PPM1J: variants seen among roughly 807,000 people sequenced by gnomAD.
PPM1J encodes protein phosphatase 1J.
A neutral mutation model predicts 53.3 loss-of-function variants in PPM1J; 43 were observed. The observed-to-expected ratio is 0.81, with a 90% CI of 0.63 to 1.04. The LOEUF is 1.04. PPM1J is among the 50% of genes least tolerant of loss of function. PPM1J has a pLI of 0.00. For synonymous variants in PPM1J, 267 were observed against 286.4 expected (o/e 0.93, Z 0.68); for missense variants, 635 against 685.9 (o/e 0.93, Z 0.83).
Position 112,710,158 on chromosome 1 carries a change from G to C in PPM1J, c.*5C>G, listed in dbSNP as rs368692262. ...AGGCTAGTGGGAGGGATGGTGTTCA[G>C]CCCCTCAGGAGTAACTGCCTGGCCC... On this transcript the variant is annotated 3_prime_UTR_variant, in exon 10 of 10. Coordinates refer to ENST00000309276, the MANE Select transcript of PPM1J (RefSeq NM_005167.7). 8.4e-6 allele frequency: 13 copies of C among 1,551,806 alleles called. No homozygotes were observed. In the African/African-American group the frequency reaches 1.5e-4, roughly 18 times the overall value.
chr1:112,712,255 T>C (rs1675081003), intron 4 of PPM1J, 90 bp downstream of exon 4: 2 of 1,159,626 alleles, frequency 1.7e-6, no homozygotes, highest in Admixed American at 4.1e-5. Context: ...CCAATCTTGA[T>C]TTTTAACCCC....
rs768615518 is a variant in PPM1J at position 112,712,061 on chromosome 1, CAAAG to C, written c.843-10_843-7del. On this transcript the variant is annotated splice_polypyrimidine_tract_variant and splice_region_variant and intron_variant, in intron 4 of 9. Transcript: ENST00000309276. ...CATTCCGGACAATGATGGCCCTGCC[CAAAG>C]AAAGAAAAGGAATTGGGACCTGGTT... 6.2e-6 allele frequency: 10 copies of C among 1,603,908 alleles called. No homozygotes were observed. In the East Asian group the frequency reaches 2.0e-4, roughly 32 times the overall value.
chr1:112,714,927 A>G, intron 1 of PPM1J, 49 bp downstream of exon 1: 1 of 1,340,384 alleles, frequency 7.5e-7, no homozygotes, highest in Non-Finnish European at 9.6e-7. Context: ...GGAGCTGGGG[A>G]GAGGGGTGGG....
rs1251582521 is a variant in PPM1J at position 112,710,266 on chromosome 1, G to A, written c.1415C>T (p.Thr472Ile). The A allele has an allele frequency of 1.2e-6, 2 of 1,603,338 alleles. No homozygotes were observed. The highest frequency in any genetic ancestry group is 1.4e-5 in the African/African-American group (1 of 73,914). Residue 472 changes from threonine (T) to isoleucine (I), a missense_variant, in exon 10 of 10, where the codon ACC becomes ATC. Thr to Ile is a moderately conservative substitution (Grantham distance 89, BLOSUM62 -1). Coordinates refer to ENST00000309276, the MANE Select transcript of PPM1J (RefSeq NM_005167.7). ...GAGACGCCAGCCACGGTCTCGGGGG[G>A]TACCCCGGGCCCCCAGGACCAGAGC... ...AQALVLGARGTPRDRGWRLPN... is the reference protein window; with the variant it reads ...AQALVLGARGIPRDRGWRLPN...
At position 112,710,742 on chromosome 1, in the gene PPM1J, A is replaced by AGTG; in HGVS notation, c.1218+1_1218+2insCAC. On this transcript the variant is annotated splice_donor_variant, in intron 8 of 9. Transcript: ENST00000309276. LOFTEE classifies it high-confidence loss of function. ...AGGCAAGGTGTGGTTTAAGGGGCTC[A>AGTG]CCTCAGGGAAGCAGGAGAGAAAGGG... 2 of 1,613,840 alleles carry AGTG rather than the reference A, an allele frequency of 1.2e-6. No individual in the cohort carries two copies. The highest frequency in any genetic ancestry group is 4.5e-5 in the East Asian group (2 of 44,878).
chr1:112,713,874 C>T lies in PPM1J; in HGVS notation c.327-263G>A, dbSNP rs904438863. On this transcript the variant is annotated intron_variant, in intron 1 of 9. Coordinates refer to ENST00000309276, the MANE Select transcript of PPM1J (RefSeq NM_005167.7). ...CTATGTCCCCTGCCTGCCTCACTTC[C>T]CCCATCCCTGGCAAAAAAAAAAGAA... is the stretch of plus-strand genomic sequence containing the variant. Among the ~76,000 whole-genome samples the T allele has an allele frequency of 2.0e-5, 3 of 152,002 alleles. No individual in the cohort carries two copies. The South Asian group carries it at 6.2e-4, about 32-fold the overall frequency.
intron 1 of PPM1J, 137 bp from the exon 2 acceptor site, chr1:112,713,748 G>A: frequency 1.3e-6 from 1 of 755,942 alleles, no homozygotes; most frequent in South Asian, 1.6e-5. Context: ...CCAGGCCAGA[G>A]GGAGGAGGAG....
At position 112,710,823 on chromosome 1, in the gene PPM1J, G is replaced by T; in HGVS notation, c.1139C>A (p.Thr380Asn). Reference protein sequence around the residue: ...KARVMATIGVTRGLGDHSLKV... With the variant: ...KARVMATIGVNRGLGDHSLKV... ...AAGGCTGTGGTCTCCCAAGCCTCGG[G>T]TCACCCCAATGGTGGCCATCACCCG... The change falls in exon 8 of 10, where the codon ACC (threonine) becomes AAC (asparagine). Residue 380 changes from threonine (T) to asparagine (N), a missense_variant. By Grantham distance (65) the Thr-to-Asn change is moderately conservative (BLOSUM62 0). Transcript: ENST00000309276. 6.2e-7 allele frequency: 1 copy of T among 1,613,916 alleles called. No homozygotes were observed. Among genetic ancestry groups the T allele is most frequent in the Non-Finnish European group, 8.5e-7 (1 of 1,179,858 alleles).
chr1:112,710,411 C>G (rs749137237), intron 9 of PPM1J, 49 bp downstream of exon 9: 1 of 1,611,644 alleles, frequency 6.2e-7, no homozygotes. Context: ...CCCTTTGACC[C>G]TTCTTTCACC....
intron 2 of PPM1J, 33 bp from the exon 3 acceptor site, chr1:112,713,064 T>TG (rs1675109773): frequency 7.1e-5 from 73 of 1,032,624 alleles, no homozygotes; most frequent in South Asian, 4.8e-4. Context: ...TGAGTTTTGT[T>TG]TGTGTGTGTG....
At chr1:112,710,670 G>A in intron 8 of PPM1J, 59 bp from the exon 9 acceptor site, 1 of 1,613,222 alleles carries the variant, frequency 6.2e-7, no homozygotes, top group Non-Finnish European at 8.5e-7. Flanking sequence ...CAGGGAGCTT[G>A]GAGATAAAGG....
chr1:112,714,512 G>C (rs568790007), intron 1 of PPM1J: 13 of 989,212 alleles, frequency 1.3e-5, no homozygotes, highest in Non-Finnish European at 1.4e-5. Flanking sequence ...GAGGGGGAGG[G>C]GAACTACGGT....
chr1:112,713,301 A>G (rs1417721912), intron 2 of PPM1J, among the ~76,000 whole-genome samples, 196 bp downstream of exon 2: 1 of 152,234 alleles, frequency 6.6e-6, no homozygotes, highest in Non-Finnish European at 1.5e-5. Flanking sequence ...GTGAGCCTCT[A>G]CATTTTAGGT....
rs370011084 is a variant in PPM1J at position 112,713,504 on chromosome 1, C to T, written c.434G>A (p.Arg145Gln). The change falls in exon 2 of 10, where the codon CGA (arginine) becomes CAA (glutamine). Residue 145 changes from arginine to glutamine, a missense_variant. By Grantham distance (43) the Arg-to-Gln change is conservative (BLOSUM62 1). Transcript: ENST00000309276. The part of the protein sequence containing the change: ...SVTGVPREPS[R>Q]GQGLCFYYWG... ...AAAGGGGATGGGTCTTACCTGGCCT[C>T]GGCTAGGCTCCCTAGGTACTCCTGT... 3.2e-5 allele frequency: 51 copies of T among 1,611,686 alleles called. No individual in the cohort carries two copies. In the Middle Eastern group the frequency reaches 9.9e-4, roughly 31 times the overall value.
Position 112,712,456 on chromosome 1 carries a change from T to C in PPM1J, c.731A>G (p.Asp244Gly), listed in dbSNP as rs753634977. 3 of 1,613,268 alleles carry C rather than the reference T, an allele frequency of 1.9e-6. No homozygotes were observed. In the Admixed American group the frequency reaches 5.0e-5, roughly 27 times the overall value. The change falls in exon 4 of 10, where the codon GAT becomes GGT. Residue 244 changes from aspartate to glycine, a missense_variant and splice_region_variant. Coordinates refer to ENST00000309276, the MANE Select transcript of PPM1J (RefSeq NM_005167.7). ...ACGCCGCTCCCGGGCCATCTGCTCA[T>C]CCTGCCACATAAGGAAGGGTCAGAG... ...GAVENAFQLM[D>G]EQMARERRGH... is the part of the protein sequence containing the mutation.
chr1:112,715,055 C>T lies in PPM1J; in HGVS notation c.247G>A (p.Ala83Thr). The change falls in exon 1 of 10, where the codon GCC (alanine) becomes ACC (threonine). Residue 83 changes from alanine to threonine, a missense_variant. Physicochemically the swap from Ala to Thr is moderately conservative, Grantham distance 58. Coordinates refer to ENST00000309276, the MANE Select transcript of PPM1J (RefSeq NM_005167.7). This position sits in a 1 kb window ranked among gnomAD's most constrained non-coding sequence, Gnocchi z 4.4. ...LQLSPGGLRRADDHAGRAVQS... is the reference protein window; with the variant it reads ...LQLSPGGLRRTDDHAGRAVQS... ...ACAGCCCGGCCCGCGTGGTCATCGG[C>T]GCGTCGCAGCCCCCCGGGGCTCAGC... 9.8e-6 allele frequency: 15 copies of T among 1,537,416 alleles called. No homozygotes were observed. Among genetic ancestry groups the T allele is most frequent in the Non-Finnish European group, 1.2e-5 (14 of 1,151,042 alleles).
Position 112,710,261 on chromosome 1 carries a change from G to T in PPM1J, c.1420C>A (p.Arg474=). ...TTGGGGAGACGCCAGCCACGGTCTC[G>T]GGGGGTACCCCGGGCCCCCAGGACC... is the stretch of plus-strand genomic sequence containing the variant. The part of the protein sequence containing the change: ...ALVLGARGTP[R]DRGWRLPNNK... Residue 474 remains arginine (R), a synonymous_variant, in exon 10 of 10, where the codon CGA becomes AGA. Transcript: ENST00000309276. 1 of 1,601,580 alleles carries T rather than the reference G, an allele frequency of 6.2e-7. No homozygotes were observed. The highest frequency in any genetic ancestry group is 1.1e-5 in the South Asian group (1 of 89,558).
At chr1:112,714,242 GGCC>G in intron 1 of PPM1J, 2 of 985,958 alleles carry the variant, frequency 2.0e-6, no homozygotes, top group Non-Finnish European at 2.4e-6. Context: ...TGGGTCCATG[GGCC>G]ACCAGCCACC....
In PPM1J at chr1:112,710,261, G is replaced by A. The variant is rs773968494; in HGVS notation, c.1420C>T (p.Arg474Ter). Residue 474 changes from arginine to a stop codon, truncating the protein, a stop_gained, in exon 10 of 10, where the codon CGA becomes TGA. Transcript: ENST00000309276. LOFTEE classifies it high-confidence loss of function. The part of the protein sequence containing the change: ...ALVLGARGTP[R>*]DRGWRLPNNK... Reference sequence around the variant, plus strand: ...TTGGGGAGACGCCAGCCACGGTCTCGGGGGGTACCCCGGGCCCCCAGGACC... The same window carrying A: ...TTGGGGAGACGCCAGCCACGGTCTCAGGGGGTACCCCGGGCCCCCAGGACC... 45 of 1,601,462 alleles carry A rather than the reference G, an allele frequency of 2.8e-5. No individual in the cohort carries two copies. The highest frequency in any genetic ancestry group is 2.2e-4 in the East Asian group (10 of 44,830).
Sources: allele counts gnomAD v4.1 joint callset (sites outside exome capture counted in the v4.1 genomes callset), GRCh38; gene constraint gnomAD v4.1.1; non-coding constraint Gnocchi (gnomAD v3.1); transcripts MANE v1.5; gene names NCBI Gene and HGNC (gene_info 2026-07-23, HGNC 2026-07-21).